The following PCCA variants were observed in gnomAD, a reference collection of about 807,000 sequenced individuals.
PCCA encodes the protein propionyl-CoA carboxylase subunit alpha.
PCCA carries 74 observed loss-of-function variants against 101.3 expected under a neutral mutation model. The ratio of observed to expected loss-of-function variants is 0.73; its 90% CI spans 0.61 to 0.89. The LOEUF (loss-of-function observed/expected upper bound fraction) is 0.89, where lower values mean the gene tolerates loss of function less well. Among genes scored for constraint, PCCA ranks in the 40% least tolerant of loss-of-function variants. The pLI is 0.00. For synonymous variants in PCCA, 294 were observed against 313.6 expected (o/e 0.94, Z 0.66); for missense variants, 891 against 907.0 (o/e 0.98, Z 0.23).
intron 19 of PCCA, among the ~76,000 whole-genome samples, chr13:100,390,925 A>G (rs1251218939): frequency 6.6e-6 from 1 of 152,206 alleles, no homozygotes; most frequent in Non-Finnish European, 1.5e-5. Context: ...TAAAGGTTTA[A>G]TAAATTCTTA....
At chr13:100,409,299 C>A (rs553693230) in intron 19 of PCCA, among the ~76,000 whole-genome samples, 1 of 152,270 alleles carries the variant, frequency 6.6e-6, no homozygotes, top group South Asian at 2.1e-4. Context: ...GCTTCTTGAG[C>A]CCCACATTGG....
rs114340666 is a variant in PCCA, at chr13:100,181,278, T to A, written c.468+23938T>A. ...GATGTTTAATGGGTTAACAGCATTT[T>A]GTTCTTTATCATATATTTATTGAAA... On this transcript the variant is annotated intron_variant, in intron 6 of 23. Coordinates refer to ENST00000376285, the MANE Select transcript of PCCA (RefSeq NM_000282.4). Among the ~76,000 whole-genome samples the A allele has an allele frequency of 6.0e-3, 917 of 152,366 alleles. 9 individuals are homozygous for A. Among genetic ancestry groups the A allele is most frequent in the African/African-American group, 0.021 (854 of 41,588 alleles).
intron 4 of PCCA, among the ~76,000 whole-genome samples, chr13:100,134,438 A>C (rs56393544): frequency 0.18 from 27,510 of 152,246 alleles, 2,642 homozygotes; most frequent in South Asian, 0.23. Flanking sequence ...AATCCTGCTG[A>C]GATTTTGATT....
chr13:100,409,028 G>T (rs796835391), intron 19 of PCCA, among the ~76,000 whole-genome samples: 1 of 152,038 alleles, frequency 6.6e-6, no homozygotes, highest in African/African-American at 2.4e-5. Flanking sequence ...CCAGTGGCTC[G>T]TGGCAGAAAA....
chr13:100,141,070 C>G (rs2051809021), intron 4 of PCCA, among the ~76,000 whole-genome samples: 1 of 152,182 alleles, frequency 6.6e-6, no homozygotes, highest in African/African-American at 2.4e-5. Context: ...TAGCTTGCCT[C>G]CTGTGGATGT....
rs186615726 is a variant in PCCA, at chr13:100,288,074, T to C, written c.1066-13386T>C. ...ATCTTTTCTTTTTCCCTTTAAAAAT[T>C]GAATCTGTTTGATTAAGAAAGAGAT... On this transcript the variant is annotated intron_variant, in intron 12 of 23. Transcript: ENST00000376285. Among the ~76,000 whole-genome samples the C allele has an allele frequency of 2.0e-5, 3 of 152,328 alleles. No homozygotes were observed. The East Asian group carries it at 5.8e-4, about 29-fold the overall frequency.
At chr13:100,210,337 A>G (rs948810100) in intron 7 of PCCA, among the ~76,000 whole-genome samples, 7 of 152,220 alleles carry the variant, frequency 4.6e-5, no homozygotes, top group African/African-American at 1.7e-4. Context: ...TGAGCATTGT[A>G]TTTAATGAAT....
Position 100,515,540 on chromosome 13 carries a change from G to T in PCCA, c.2013G>T (p.Val671=). The change falls in exon 22 of 24, where the codon GTG becomes GTT. Residue 671 remains valine, a synonymous_variant. Transcript: ENST00000376285. ...GTTCCCCGATGCCCGGAGTGGTGGT[G>T]GCCGTCTCTGTCAAGCCTGGAGACG... ...VLRSPMPGVV[V]AVSVKPGDAV... 5 of 1,614,010 alleles carry T rather than the reference G, an allele frequency of 3.1e-6. No individual in the cohort carries two copies. Among genetic ancestry groups the T allele is most frequent in the Non-Finnish European group, 4.2e-6 (5 of 1,179,984 alleles).
At chr13:100,364,864 G>A (rs962935135) in intron 18 of PCCA, among the ~76,000 whole-genome samples, 7 of 151,286 alleles carry the variant, frequency 4.6e-5, no homozygotes, top group African/African-American at 1.2e-4. Flanking sequence ...CAGTCTGGGC[G>A]TCATAGCGAG....
At chr13:100,315,722 G>A (rs1001167937) in intron 16 of PCCA, among the ~76,000 whole-genome samples, 2 of 152,110 alleles carry the variant, frequency 1.3e-5, no homozygotes, top group Admixed American at 6.6e-5. Flanking sequence ...CACTCCTAGG[G>A]GCCTCTTCTC....
Position 100,308,704 on chromosome 13 carries a change from A to G in PCCA, c.1354-1129A>G, listed in dbSNP as rs573905678. ...CACCATTTAATTTAAAAATAAAACTATGTAAAAATATTATACGTTGATTTT... is the reference window on the plus strand; with the variant it reads ...CACCATTTAATTTAAAAATAAAACTGTGTAAAAATATTATACGTTGATTTT... On this transcript the variant is annotated intron_variant, in intron 15 of 23. Transcript: ENST00000376285. Among the ~76,000 whole-genome samples, 5 of 152,350 alleles carry G rather than the reference A, an allele frequency of 3.3e-5. No individual in the cohort carries two copies. In the East Asian group the frequency reaches 5.8e-4, roughly 18 times the overall value.
chr13:100,328,254 T>G (rs1329960202), intron 16 of PCCA, among the ~76,000 whole-genome samples: 1 of 151,764 alleles, frequency 6.6e-6, no homozygotes, highest in Admixed American at 6.6e-5. Flanking sequence ...TCCCAGCTAC[T>G]TAGGAGACTG....
intron 20 of PCCA, among the ~76,000 whole-genome samples, chr13:100,431,367 T>C (rs1291796551): frequency 6.6e-6 from 1 of 152,192 alleles, no homozygotes; most frequent in African/African-American, 2.4e-5. Context: ...ATAAAGTAGC[T>C]TCTGTTTTTA....
intron 19 of PCCA, among the ~76,000 whole-genome samples, chr13:100,422,110 C>CTTTCTTCCTTTCT (rs1595847052): frequency 1.7e-5 from 2 of 116,112 alleles, no homozygotes; most frequent in Non-Finnish European, 1.8e-5. Context: ...TTCTTTCTTT[C>CTTTCTTCCTTTCT]TTTCTTTCTT....
intron 20 of PCCA, among the ~76,000 whole-genome samples, chr13:100,446,325 C>G (rs190359667): frequency 6.6e-6 from 1 of 152,308 alleles, no homozygotes; most frequent in Admixed American, 6.5e-5. Flanking sequence ...CCACCGCACC[C>G]TGCCCCTGTT....
At chr13:100,401,079 G>A (rs1437151657) in intron 19 of PCCA, among the ~76,000 whole-genome samples, 2 of 152,122 alleles carry the variant, frequency 1.3e-5, no homozygotes, top group Middle Eastern at 3.2e-3. Context: ...TCATATTTCA[G>A]ACTATTGTTT....
intron 16 of PCCA, among the ~76,000 whole-genome samples, chr13:100,314,061 T>C (rs1430983924): frequency 6.6e-6 from 1 of 152,070 alleles, no homozygotes; most frequent in Non-Finnish European, 1.5e-5. Context: ...TCCACGGTAG[T>C]TGATTTGTAG....
chr13:100,525,627 A>G (rs2087735725), intron 22 of PCCA, among the ~76,000 whole-genome samples: 1 of 152,270 alleles, frequency 6.6e-6, no homozygotes, highest in Non-Finnish European at 1.5e-5. Context: ...CCTGTAAAAC[A>G]GAAGCAGGAG....
At chr13:100,349,942 T>G (rs923458409) in intron 18 of PCCA, among the ~76,000 whole-genome samples, 4 of 152,238 alleles carry the variant, frequency 2.6e-5, no homozygotes, top group Non-Finnish European at 4.4e-5. Context: ...GGAGAATCGA[T>G]TTTTTAGTGA....
Sources: gnomAD v4.1 joint callset for allele counts (sites outside exome capture counted in the v4.1 genomes callset) on GRCh38, gnomAD v4.1.1 for gene constraint, MANE v1.5 for transcripts, NCBI Gene and HGNC (gene_info 2026-07-23, HGNC 2026-07-21) for gene names.